TMEM117: variants seen among roughly 807,000 people sequenced by gnomAD.
TMEM117 encodes the protein transmembrane protein 117.
TMEM117 carries 27 observed loss-of-function variants against 52.4 expected under a neutral mutation model. The observed-to-expected ratio is 0.51, with a 90% CI of 0.38 to 0.71. The LOEUF (loss-of-function observed/expected upper bound fraction) is 0.71. Ranked by LOEUF, TMEM117 falls within the 30% of genes least tolerant of loss-of-function variation. TMEM117 has a pLI of 0.00. For missense variants in TMEM117, 556 were observed against 630.5 expected (o/e 0.88, Z 1.26); for synonymous variants, 215 against 206.3 (o/e 1.04, Z -0.36).
intron 6 of TMEM117, among the ~76,000 whole-genome samples, chr12:44,358,974 T>C (rs1219389665): frequency 6.6e-6 from 1 of 152,156 alleles, no homozygotes; most frequent in East Asian, 1.9e-4. Context: ...CACCTTTCTC[T>C]AAGGAGCATA....
At chr12:44,353,595 T>C (rs1951599377) in intron 6 of TMEM117, among the ~76,000 whole-genome samples, 1 of 152,168 alleles carries the variant, frequency 6.6e-6, no homozygotes, top group Non-Finnish European at 1.5e-5. Flanking sequence ...TTGTCAAAGA[T>C]CAGATAGTTG....
chr12:44,282,198 T>G (rs890516402), intron 5 of TMEM117, among the ~76,000 whole-genome samples: 2 of 152,170 alleles, frequency 1.3e-5, no homozygotes, highest in Non-Finnish European at 2.9e-5. Flanking sequence ...GTAAGTCCAA[T>G]TAAACATCTT....
intron 3 of TMEM117, among the ~76,000 whole-genome samples, chr12:44,007,089 A>G (rs1333428155): frequency 6.6e-6 from 1 of 152,142 alleles, no homozygotes; most frequent in Non-Finnish European, 1.5e-5. Flanking sequence ...TGTACCTTAT[A>G]ATAACAAGAT....
chr12:44,312,656 T>C (rs1951005539), intron 6 of TMEM117, among the ~76,000 whole-genome samples: 1 of 152,202 alleles, frequency 6.6e-6, no homozygotes, highest in Non-Finnish European at 1.5e-5. Flanking sequence ...AGTTGAATGG[T>C]AGTTCTGTTT....
the TMEM117 span, among the ~76,000 whole-genome samples, chr12:43,814,847 C>A: frequency 2.0e-5 from 3 of 150,376 alleles, no homozygotes. Context: ...CAGGTTCAAG[C>A]GATTCTCCTG....
At chr12:43,882,901 A>C (rs760570039) in intron 2 of TMEM117, among the ~76,000 whole-genome samples, 24 of 152,256 alleles carry the variant, frequency 1.6e-4, no homozygotes, top group Non-Finnish European at 3.1e-4. Context: ...ATTTCTCTGC[A>C]GCATCTTTTA....
chr12:43,944,682 C>G (rs543181520), intron 3 of TMEM117, among the ~76,000 whole-genome samples: 1 of 152,018 alleles, frequency 6.6e-6, no homozygotes, highest in East Asian at 1.9e-4. Flanking sequence ...TAGAGTGGGG[C>G]TAAGATGAAG....
intron 3 of TMEM117, among the ~76,000 whole-genome samples, chr12:44,125,073 C>T (rs1388942662): frequency 6.6e-6 from 1 of 152,036 alleles, no homozygotes; most frequent in African/African-American, 2.4e-5. Flanking sequence ...TTATTACTGC[C>T]TAAATTTCAG....
At chr12:43,962,170 G>T (rs1945414853) in intron 3 of TMEM117, among the ~76,000 whole-genome samples, 1 of 152,180 alleles carries the variant, frequency 6.6e-6, no homozygotes. Context: ...ACCAGGTCAG[G>T]AAGGTAATAC....
intron 6 of TMEM117, among the ~76,000 whole-genome samples, chr12:44,345,970 C>A (rs1244886664): frequency 1.3e-5 from 2 of 152,048 alleles, no homozygotes; most frequent in African/African-American, 4.8e-5. Context: ...TCTTACAGAT[C>A]ATCTACTAAA....
chr12:44,115,540 AT>A (rs113273559), intron 3 of TMEM117, among the ~76,000 whole-genome samples: 2,968 of 146,682 alleles, frequency 0.02, 69 homozygotes, highest in East Asian at 0.059. Flanking sequence ...ATAGTATGGG[AT>A]TTTTTTTTTT....
intron 5 of TMEM117, among the ~76,000 whole-genome samples, chr12:44,282,195 C>T (rs1950585933): frequency 6.6e-6 from 1 of 152,086 alleles, no homozygotes; most frequent in Non-Finnish European, 1.5e-5. Flanking sequence ...ACTGTAAGTC[C>T]AATTAAACAT....
At chr12:44,335,123 G>A (rs1411554595) in intron 6 of TMEM117, among the ~76,000 whole-genome samples, 1 of 152,148 alleles carries the variant, frequency 6.6e-6, no homozygotes, top group East Asian at 1.9e-4. Context: ...ACATTATGGT[G>A]ATAGGCTTGA....
intron 3 of TMEM117, among the ~76,000 whole-genome samples, chr12:44,100,328 A>G (rs1181834111): frequency 6.6e-6 from 1 of 152,020 alleles, no homozygotes; most frequent in Admixed American, 6.6e-5. Context: ...CATTTGGAAT[A>G]CTGGTCATTT....
chr12:44,078,658 A>G (rs1396143968), intron 3 of TMEM117, among the ~76,000 whole-genome samples: 2 of 152,128 alleles, frequency 1.3e-5, no homozygotes, highest in East Asian at 3.9e-4. Flanking sequence ...ATGCCTTACA[A>G]TTGTGTAAAA....
intron 3 of TMEM117, among the ~76,000 whole-genome samples, chr12:44,097,616 C>CA (rs909943000): frequency 9.0e-5 from 13 of 144,640 alleles, no homozygotes; most frequent in African/African-American, 2.5e-4. Flanking sequence ...ATTGCAAGGA[C>CA]AAAAAACCAA....
chr12:44,074,220 C>A (rs1409333150), intron 3 of TMEM117, among the ~76,000 whole-genome samples: 1 of 152,160 alleles, frequency 6.6e-6, no homozygotes, highest in Non-Finnish European at 1.5e-5. Context: ...GGTAATCATA[C>A]AATTTTTCAT....
intron 5 of TMEM117, among the ~76,000 whole-genome samples, chr12:44,230,787 C>T (rs908245201): frequency 6.6e-6 from 1 of 151,876 alleles, no homozygotes; most frequent in Non-Finnish European, 1.5e-5. Context: ...TCACTTTCCA[C>T]CTACAATTCT....
intron 2 of TMEM117, among the ~76,000 whole-genome samples, chr12:43,928,766 C>G (rs1944824111): frequency 7.3e-6 from 1 of 136,206 alleles, no homozygotes; most frequent in Non-Finnish European, 1.6e-5. Flanking sequence ...CACAACAGTC[C>G]CCAGAATGTG....
Sources: allele counts gnomAD v4.1 joint callset (sites outside exome capture counted in the v4.1 genomes callset), GRCh38; gene constraint gnomAD v4.1.1; transcripts MANE v1.5; gene names NCBI Gene and HGNC (gene_info 2026-07-23, HGNC 2026-07-21).